CLGN: variants seen among roughly 807,000 people sequenced by gnomAD.
CLGN encodes the protein testis tissue sperm-binding protein Li 79P.
Under a neutral mutation model 79.1 loss-of-function variants are expected in CLGN, and 62 were observed. That is an observed-to-expected ratio of 0.78 (90% CI 0.64 to 0.97). CLGN has a LOEUF of 0.97. CLGN is among the 50% of genes least tolerant of loss of function. The probability of loss-of-function intolerance (pLI) is 0.00; values close to 1 mark genes in which losing one functional copy is unlikely to be tolerated. For synonymous variants in CLGN, 225 were observed against 224.7 expected (o/e 1.00, Z -0.01); for missense variants, 647 against 715.5 (o/e 0.90, Z 1.09).
At chr4:140,414,138 T>A (rs189508974) in intron 1 of CLGN, among the ~76,000 whole-genome samples, 3,090 of 152,196 alleles carry the variant, frequency 0.02, 42 homozygotes, top group Non-Finnish European at 0.033. Flanking sequence ...CAGTTGAGGG[T>A]CCTGTCTGTT....
At position 140,395,957 on chromosome 4, in the gene CLGN, C is replaced by T. The variant is rs148737965; in HGVS notation, c.1011G>A (p.Thr337=). 1.3e-4 allele frequency: 210 copies of T among 1,598,292 alleles called. No individual in the cohort carries two copies. The highest frequency in any genetic ancestry group is 1.5e-4 in the Non-Finnish European group (181 of 1,174,140). ...TCTGAGGTGCCTCCCATTCTCCATC[C>T]GTGTCTTCATTCCTTAGGATATTAA... ...AEKPDDWNED[T]DGEWEAPQIL... The change falls in exon 10 of 15, where the codon ACG becomes ACA. Residue 337 remains threonine (T), a synonymous_variant. Transcript: ENST00000325617.
chr4:140,404,956 C>A (rs1729072169), intron 5 of CLGN, among the ~76,000 whole-genome samples: 1 of 151,314 alleles, frequency 6.6e-6, no homozygotes, highest in Non-Finnish European at 1.5e-5. Context: ...AGGCACCATG[C>A]CAGGCATGGT....
chr4:140,423,391 G>A (rs1297926040), intron 1 of CLGN, among the ~76,000 whole-genome samples: 7 of 152,112 alleles, frequency 4.6e-5, no homozygotes, highest in Non-Finnish European at 8.8e-5. Context: ...AATCCAACAT[G>A]GTCATAGTAT....
At chr4:140,414,337 A>G (rs1263085750) in intron 1 of CLGN, among the ~76,000 whole-genome samples, 1 of 151,690 alleles carries the variant, frequency 6.6e-6, no homozygotes, top group Admixed American at 6.6e-5. Context: ...GCAACGGAAC[A>G]AAGCTGGATG....
At chr4:140,427,144 A>C (rs1729584107) in intron 1 of CLGN, among the ~76,000 whole-genome samples, 2 of 152,116 alleles carry the variant, frequency 1.3e-5, no homozygotes, top group Admixed American at 6.5e-5. Context: ...ACGGGGCTGC[A>C]ATGGCAACCG....
chr4:140,405,167 T>A (rs1247605342), intron 5 of CLGN, among the ~76,000 whole-genome samples: 8 of 81,608 alleles, frequency 9.8e-5, no homozygotes, highest in Non-Finnish European at 1.7e-4. Context: ...ACAAGTAATT[T>A]TTTTTATTTT....
chr4:140,400,035 G>C (rs1404090467), intron 7 of CLGN, among the ~76,000 whole-genome samples: 1 of 152,030 alleles, frequency 6.6e-6, no homozygotes, highest in Admixed American at 6.6e-5. Context: ...CTGTCACAAC[G>C]TCTAAAATGT....
chr4:140,394,324 T>A (rs1728830322), intron 10 of CLGN, among the ~76,000 whole-genome samples: 1 of 152,208 alleles, frequency 6.6e-6, no homozygotes, highest in Non-Finnish European at 1.5e-5. Context: ...TTTGTCTACT[T>A]TGGACAAATT....
At chr4:140,412,775 T>C (rs1280162413) in intron 2 of CLGN, among the ~76,000 whole-genome samples, 160 bp downstream of exon 2, 1 of 152,164 alleles carries the variant, frequency 6.6e-6, no homozygotes, top group Non-Finnish European at 1.5e-5. Context: ...ACATGGGCAC[T>C]CTAAAAATTA....
intron 13 of CLGN, among the ~76,000 whole-genome samples, chr4:140,391,520 C>T (rs757811410): frequency 6.6e-6 from 1 of 151,464 alleles, no homozygotes; most frequent in African/African-American, 2.4e-5. Flanking sequence ...TATATATATA[C>T]TGTCTCTTAA....
intron 1 of CLGN, among the ~76,000 whole-genome samples, chr4:140,422,012 C>G (rs768230657): frequency 2.0e-5 from 3 of 152,080 alleles, no homozygotes; most frequent in Non-Finnish European, 4.4e-5. Flanking sequence ...TAGCCAGTTT[C>G]CCCAATATCA....
At chr4:140,422,994 GT>G (rs2126635870) in intron 1 of CLGN, among the ~76,000 whole-genome samples, 1 of 152,282 alleles carries the variant, frequency 6.6e-6, no homozygotes, top group South Asian at 2.1e-4. Flanking sequence ...ATAAGATCAT[GT>G]TATCTGCTGA....
chr4:140,405,026 T>G (rs1410278891), intron 5 of CLGN, among the ~76,000 whole-genome samples: 1 of 151,988 alleles, frequency 6.6e-6, no homozygotes, highest in African/African-American at 2.4e-5. Context: ...TTAAAAGGGG[T>G]CCCTGCTTGA....
At chr4:140,419,954 G>T (rs1729432172) in intron 1 of CLGN, among the ~76,000 whole-genome samples, 1 of 152,060 alleles carries the variant, frequency 6.6e-6, no homozygotes, top group Non-Finnish European at 1.5e-5. Flanking sequence ...AAGCCTAAGG[G>T]CCTTCCATGT....
rs188121706 is a variant in CLGN, at chr4:140,413,735, A to G, written c.-9-648T>C. On this transcript the variant is annotated intron_variant, in intron 1 of 14. Transcript: ENST00000325617. ...CCACGGAGTCTCGCTGATTAATAGC[A>G]CAGCAGTCTGAGATCAAACTGCAAG... Among the ~76,000 whole-genome samples the G allele has an allele frequency of 2.4e-3, 365 of 152,314 alleles. 3 individuals carry two copies. Among genetic ancestry groups the G allele is most frequent in the African/African-American group, 8.3e-3 (346 of 41,574 alleles).
intron 5 of CLGN, among the ~76,000 whole-genome samples, chr4:140,404,727 T>G (rs1348098793): frequency 5.9e-5 from 9 of 152,022 alleles, no homozygotes; most frequent in African/African-American, 1.7e-4. Context: ...TGACCTTGGC[T>G]CACTGCAGCC....
At chr4:140,401,437 G>A (rs910501087) in intron 6 of CLGN, among the ~76,000 whole-genome samples, 5 of 152,142 alleles carry the variant, frequency 3.3e-5, no homozygotes, top group African/African-American at 9.6e-5. Context: ...CTCATCTATC[G>A]TATTTCTGTT....
At chr4:140,409,920 A>G (rs1407244927) in intron 3 of CLGN, 25 bp from the exon 4 acceptor site, 4 of 1,526,402 alleles carry the variant, frequency 2.6e-6, no homozygotes, top group South Asian at 1.2e-5. Flanking sequence ...GAACATACAT[A>G]TATGTCATTG....
chr4:140,392,685 T>C lies in CLGN; in HGVS notation c.1392A>G (p.Ala464=). ...AAAGCCATGGGTGCCCTTCAGCAGC[T>C]GCCATTAACTGTTTTAATACACCAG... ...NKPGVLKQLM[A]AAEGHPWLWL... The change falls in exon 12 of 15, where the codon GCA becomes GCG. Residue 464 remains alanine, a synonymous_variant. Coordinates refer to ENST00000325617, the MANE Select transcript of CLGN (RefSeq NM_004362.3). 3.1e-6 allele frequency: 5 copies of C among 1,605,470 alleles called. No homozygotes were observed. Among genetic ancestry groups the C allele is most frequent in the Non-Finnish European group, 4.2e-6 (5 of 1,177,172 alleles).
Sources: gnomAD v4.1 joint callset for allele counts (sites outside exome capture counted in the v4.1 genomes callset) on GRCh38, gnomAD v4.1.1 for gene constraint, MANE v1.5 for transcripts, NCBI Gene and HGNC (gene_info 2026-07-23, HGNC 2026-07-21) for gene names.